Variants in PARPBP observed in about 807,000 individuals in gnomAD.
PARPBP encodes PCNA-interacting partner.
Under a neutral mutation model 50.0 loss-of-function variants are expected in PARPBP, and 52 were observed. The ratio of observed to expected loss-of-function variants is 1.04; its 90% CI spans 0.83 to 1.31. The LOEUF (loss-of-function observed/expected upper bound fraction) is 1.31. PARPBP is among the 50% of genes most tolerant of loss of function. The pLI is 0.00. For missense variants in PARPBP, 697 were observed against 672.0 expected (o/e 1.04, Z -0.41); for synonymous variants, 244 against 232.1 (o/e 1.05, Z -0.47).
At chr12:102,194,915 T>G (rs1231839252) in intron 9 of PARPBP, among the ~76,000 whole-genome samples, 1 of 149,438 alleles carries the variant, frequency 6.7e-6, no homozygotes, top group Admixed American at 6.6e-5. Flanking sequence ...GAGTGTGTTC[T>G]TCTTAGGATG....
intron 4 of PARPBP, among the ~76,000 whole-genome samples, chr12:102,157,284 G>A (rs1026196597): frequency 2.0e-5 from 3 of 152,022 alleles, no homozygotes; most frequent in African/African-American, 7.2e-5. Context: ...ATTCTTTAGC[G>A]TACATTTCCT....
chr12:102,176,892 G>C (rs1045328925), intron 7 of PARPBP, among the ~76,000 whole-genome samples: 1 of 152,158 alleles, frequency 6.6e-6, no homozygotes, highest in African/African-American at 2.4e-5. Flanking sequence ...CTGGTGAATA[G>C]TTTGGCTCAA....
intron 4 of PARPBP, among the ~76,000 whole-genome samples, chr12:102,158,452 C>A (rs982865131): frequency 6.6e-6 from 1 of 152,162 alleles, no homozygotes; most frequent in East Asian, 1.9e-4. Flanking sequence ...CTGCTTCAAG[C>A]AGGTTTTTGT....
chr12:102,131,650 T>C (rs1882872264), intron 2 of PARPBP, among the ~76,000 whole-genome samples: 1 of 152,180 alleles, frequency 6.6e-6, no homozygotes, highest in Non-Finnish European at 1.5e-5. Context: ...CATGGAATAC[T>C]CTACAGCCGT....
chr12:102,129,252 A>G (rs1323349560), intron 2 of PARPBP, among the ~76,000 whole-genome samples: 1 of 152,138 alleles, frequency 6.6e-6, no homozygotes, highest in Non-Finnish European at 1.5e-5. Flanking sequence ...CTCTGAAGTA[A>G]TTGAGACTGT....
At chr12:102,138,379 T>A (rs1286144465) in intron 2 of PARPBP, among the ~76,000 whole-genome samples, 1 of 152,220 alleles carries the variant, frequency 6.6e-6, no homozygotes, top group Non-Finnish European at 1.5e-5. Context: ...AAATTTTTTT[T>A]AAGTTCTTTG....
chr12:102,181,376 G>A (rs1222452146), intron 8 of PARPBP, among the ~76,000 whole-genome samples: 2 of 152,046 alleles, frequency 1.3e-5, no homozygotes, highest in African/African-American at 4.8e-5. Flanking sequence ...TCTGATAAAG[G>A]CATCGTTAGG....
At chr12:102,148,192 A>C (rs1326204323) in intron 2 of PARPBP, 38 bp from the exon 3 acceptor site, 11 of 866,912 alleles carry the variant, frequency 1.3e-5, no homozygotes, top group Non-Finnish European at 1.9e-5. Flanking sequence ...TCTGGTACCC[A>C]ACTTTATTTT....
At position 102,196,797 on chromosome 12, in the gene PARPBP, G is replaced by T; in HGVS notation, c.*506G>T. On this transcript the variant is annotated 3_prime_UTR_variant, in exon 11 of 11. Transcript: ENST00000327680. ...GAATGGATCTAGTATAACTAATTCT[G>T]AGTAAACCAAAATGATAATAATTAA... 1.8e-6 allele frequency: 2 copies of T among 1,126,060 alleles called. No homozygotes were observed. Among genetic ancestry groups the T allele is most frequent in the South Asian group, 1.3e-5 (1 of 75,572 alleles). 69.8% of individuals were successfully genotyped at this position (1,126,060 alleles called of 1,614,324 possible). A position where few individuals can be genotyped will look rare whatever the true frequency, so the allele number is the denominator to read the frequency against.
Position 102,196,994 on chromosome 12 carries a change from T to C in PARPBP, c.*703T>C, listed in dbSNP as rs1390032150. ...TCACTGTCAAAATCTCTCCTTCCTA[T>C]AGGAAATTTAGCTGAGTTTTCTTCA... On this transcript the variant is annotated 3_prime_UTR_variant, in exon 11 of 11. Transcript: ENST00000327680. 1 of 1,611,492 alleles carries C rather than the reference T, an allele frequency of 6.2e-7. No homozygotes were observed. The highest frequency in any genetic ancestry group is 8.5e-7 in the Non-Finnish European group (1 of 1,178,240).
chr12:102,159,363 G>A (rs750038816), intron 4 of PARPBP, among the ~76,000 whole-genome samples: 8 of 152,124 alleles, frequency 5.3e-5, no homozygotes, highest in African/African-American at 9.7e-5. Flanking sequence ...TCCTGATCTC[G>A]TGATCCACCC....
Position 102,153,958 on chromosome 12 carries a change from C to CA in PARPBP, c.479dup (p.Asn160LysfsTer3). ...TACCAACATCACCAACAAGTAAATA[C>CA]AACCGTGATAATGAAAAGGTACTGA... On this transcript the variant is annotated frameshift_variant, in exon 4 of 11. Coordinates refer to ENST00000327680, the MANE Select transcript of PARPBP (RefSeq NM_017915.5). LOFTEE classifies it high-confidence loss of function. 1.3e-6 allele frequency: 2 copies of CA among 1,580,786 alleles called. No homozygotes were observed. The highest frequency in any genetic ancestry group is 1.7e-6 in the Non-Finnish European group (2 of 1,149,978).
chr12:102,151,429 TA>T, intron 3 of PARPBP: 1 of 628,348 alleles, frequency 1.6e-6, no homozygotes, highest in Non-Finnish European at 2.8e-6. Context: ...AGAAAGCTCA[TA>T]AAATGTAGCA....
At position 102,195,385 on chromosome 12, in the gene PARPBP, G is replaced by C. The variant is rs1447077054; in HGVS notation, c.1337G>C (p.Trp446Ser). 1 of 1,588,672 alleles carries C rather than the reference G, an allele frequency of 6.3e-7. No individual in the cohort carries two copies. Among genetic ancestry groups the C allele is most frequent in the African/African-American group, 1.4e-5 (1 of 73,772 alleles). The change falls in exon 10 of 11, where the codon TGG becomes TCG. Residue 446 changes from tryptophan (W) to serine (S), a missense_variant. Trp to Ser is a radical substitution (Grantham distance 177). Coordinates refer to ENST00000327680, the MANE Select transcript of PARPBP (RefSeq NM_017915.5). ...GACTACATGATAAGCAAGGATAATT[G>C]GAATAATGTTAATTTAGCATCAAAG... ...KDDYMISKDN[W>S]NNVNLASKPL...
At chr12:102,131,460 A>G (rs1179908311) in intron 2 of PARPBP, among the ~76,000 whole-genome samples, 1 of 152,194 alleles carries the variant, frequency 6.6e-6, no homozygotes, top group Admixed American at 6.5e-5. Context: ...AAACAGAACT[A>G]CCATTTGACC....
chr12:102,178,994 T>C (rs769555670), intron 8 of PARPBP, among the ~76,000 whole-genome samples: 1 of 152,194 alleles, frequency 6.6e-6, no homozygotes, highest in Non-Finnish European at 1.5e-5. Flanking sequence ...TTCAGTGTTG[T>C]TTTTAGTTCT....
intron 5 of PARPBP, among the ~76,000 whole-genome samples, chr12:102,165,085 T>C (rs1478660184): frequency 1.3e-5 from 2 of 152,198 alleles, no homozygotes; most frequent in Non-Finnish European, 2.9e-5. Flanking sequence ...CCCTAAATTA[T>C]CGACATTTCA....
chr12:102,144,665 A>C (rs528615110), intron 2 of PARPBP, among the ~76,000 whole-genome samples: 3 of 152,210 alleles, frequency 2.0e-5, no homozygotes, highest in African/African-American at 7.2e-5. Context: ...GTGCATTTAC[A>C]TTACACAAAA....
At chr12:102,138,010 G>A (rs1287759268) in intron 2 of PARPBP, among the ~76,000 whole-genome samples, 2 of 152,130 alleles carry the variant, frequency 1.3e-5, no homozygotes, top group African/African-American at 2.4e-5. Flanking sequence ...AATCCTTTGG[G>A]TATATACCCA....
Sources: gnomAD v4.1 joint callset for allele counts (sites outside exome capture counted in the v4.1 genomes callset) on GRCh38, gnomAD v4.1.1 for gene constraint, MANE v1.5 for transcripts, NCBI Gene and HGNC (gene_info 2026-07-23, HGNC 2026-07-21) for gene names.